CSMD3: variants seen among roughly 807,000 people sequenced by gnomAD.
The protein encoded by CSMD3 is CUB and sushi domain-containing protein 3.
Under a neutral mutation model 435.2 loss-of-function variants are expected in CSMD3, and 177 were observed. That is an observed-to-expected ratio of 0.41 (90% CI 0.36 to 0.46). CSMD3 has a LOEUF of 0.46. Among genes scored for constraint, CSMD3 ranks in the 20% least tolerant of loss-of-function variants. The pLI is 0.34. For missense variants in CSMD3, 4,265 were observed against 4,504.6 expected (o/e 0.95, Z 1.52); for synonymous variants, 1,656 against 1,520.5 (o/e 1.09, Z -2.07).
At chr8:112,946,582 G>T (rs2083616057) in intron 9 of CSMD3, among the ~76,000 whole-genome samples, 1 of 151,500 alleles carries the variant, frequency 6.6e-6, no homozygotes, top group Admixed American at 6.6e-5. Context: ...AAAATACTTG[G>T]AAAAAATAAT....
intron 1 of CSMD3, among the ~76,000 whole-genome samples, chr8:113,367,679 C>T (rs2094321184): frequency 6.6e-6 from 1 of 152,050 alleles, no homozygotes; most frequent in Non-Finnish European, 1.5e-5. Flanking sequence ...TTATATTTCT[C>T]AAACAAGCCA....
intron 4 of CSMD3, among the ~76,000 whole-genome samples, chr8:113,106,503 T>C (rs3967800): frequency 0.096 from 14,662 of 152,210 alleles, 1,070 homozygotes; most frequent in African/African-American, 0.2. Context: ...ATATGTGTTA[T>C]TGAAGTTCCA....
At position 113,313,053 on chromosome 8, in the gene CSMD3, T is replaced by TCTTAATG. The variant is rs2093882384; in HGVS notation, c.401+1517_401+1518insCATTAAG. The stretch of plus-strand genomic sequence containing the variant: ...TTAAGTGTCATCTGACTGGAAGCAG[T>TCTTAATG]TCGATGTGCTCTAATAGGATTTTGT... On this transcript the variant is annotated intron_variant, in intron 2 of 70. Transcript: ENST00000297405. 4 of 152,312 alleles carry TCTTAATG rather than the reference T, an allele frequency of 2.6e-5. No homozygotes were observed. The South Asian group carries it at 8.3e-4, about 32-fold the overall frequency. The allele number at this position is 152,312 out of a possible 1,614,324, so 9.4% of individuals were successfully genotyped here. A position where few individuals can be genotyped will look rare whatever the true frequency, so the allele number is the denominator to read the frequency against.
At chr8:112,766,232 T>A (rs1348935171) in intron 13 of CSMD3, among the ~76,000 whole-genome samples, 1 of 151,588 alleles carries the variant, frequency 6.6e-6, no homozygotes, top group Non-Finnish European at 1.5e-5. Context: ...ATCTAATCCA[T>A]GTTTCTCCAT....
chr8:112,752,413 G>A (rs2077591057), intron 13 of CSMD3, among the ~76,000 whole-genome samples: 1 of 152,078 alleles, frequency 6.6e-6, no homozygotes, highest in Admixed American at 6.6e-5. Context: ...TATTCTAAAT[G>A]TCTCTCCTAC....
intron 28 of CSMD3, among the ~76,000 whole-genome samples, chr8:112,512,544 G>T (rs899681317): frequency 6.6e-6 from 1 of 152,112 alleles, no homozygotes; most frequent in Non-Finnish European, 1.5e-5. Context: ...AAAATATTCA[G>T]TAAACCATAG....
intron 6 of CSMD3, among the ~76,000 whole-genome samples, chr8:113,004,118 G>A (rs1328758928): frequency 6.6e-6 from 1 of 151,908 alleles, no homozygotes; most frequent in Non-Finnish European, 1.5e-5. Flanking sequence ...AGTTTTCTAT[G>A]AAGTTAAAAA....
chr8:113,063,638 G>C (rs1470004465), intron 5 of CSMD3, among the ~76,000 whole-genome samples: 1 of 151,810 alleles, frequency 6.6e-6, no homozygotes, highest in East Asian at 1.9e-4. Flanking sequence ...TAATAAATCA[G>C]TCTGCAAACT....
At chr8:112,511,902 G>A (rs564729723) in intron 28 of CSMD3, among the ~76,000 whole-genome samples, 3 of 152,220 alleles carry the variant, frequency 2.0e-5, no homozygotes, top group African/African-American at 4.8e-5. Context: ...TACCAGAAGT[G>A]GATTCCATCT....
intron 6 of CSMD3, among the ~76,000 whole-genome samples, chr8:112,989,888 C>A (rs1364966156): frequency 6.6e-6 from 1 of 151,990 alleles, no homozygotes; most frequent in Non-Finnish European, 1.5e-5. Flanking sequence ...CCTCATATGT[C>A]AAGGGCAATG....
intron 13 of CSMD3, among the ~76,000 whole-genome samples, chr8:112,731,377 T>C (rs1048380674): frequency 2.0e-5 from 3 of 152,164 alleles, no homozygotes; most frequent in African/African-American, 7.2e-5. Flanking sequence ...ATTCTGCATC[T>C]GTATTATGTG....
At chr8:112,555,706 C>T (rs1828054248) in intron 25 of CSMD3, among the ~76,000 whole-genome samples, 1 of 151,858 alleles carries the variant, frequency 6.6e-6, no homozygotes, top group Non-Finnish European at 1.5e-5. Flanking sequence ...AGTTGCAAGG[C>T]CTATAATAAC....
intron 38 of CSMD3, among the ~76,000 whole-genome samples, chr8:112,376,771 A>G (rs1828981926): frequency 6.6e-6 from 1 of 152,124 alleles, no homozygotes; most frequent in Non-Finnish European, 1.5e-5. Context: ...CCATTTATTC[A>G]TTTACTCATT....
At chr8:112,476,874 T>C (rs1449284134) in intron 31 of CSMD3, among the ~76,000 whole-genome samples, 1 of 152,188 alleles carries the variant, frequency 6.6e-6, no homozygotes, top group African/African-American at 2.4e-5. Flanking sequence ...CTCCCATCAA[T>C]TTCTGCATGT....
intron 22 of CSMD3, among the ~76,000 whole-genome samples, chr8:112,633,382 A>G (rs2074570927): frequency 6.6e-6 from 1 of 152,034 alleles, no homozygotes; most frequent in Non-Finnish European, 1.5e-5. Context: ...GAACATTGTG[A>G]TAATCATAAA....
chr8:113,289,205 T>C (rs2093667020), intron 2 of CSMD3, among the ~76,000 whole-genome samples: 1 of 151,808 alleles, frequency 6.6e-6, no homozygotes, highest in East Asian at 1.9e-4. Context: ...GCCAAGCATT[T>C]AGCAAACTAG....
intron 6 of CSMD3, among the ~76,000 whole-genome samples, chr8:112,994,098 A>G (rs147132126): frequency 6.6e-6 from 1 of 151,932 alleles, no homozygotes; most frequent in East Asian, 1.9e-4. Flanking sequence ...TAGAGATAAT[A>G]TTTCTTGGTG....
chr8:113,197,023 T>C (rs573060104), intron 3 of CSMD3, among the ~76,000 whole-genome samples: 23 of 151,282 alleles, frequency 1.5e-4, no homozygotes, highest in Non-Finnish European at 2.7e-4. Flanking sequence ...TTGTCCATTT[T>C]TGTATTTTAG....
chr8:113,384,685 G>C (rs987775929), intron 1 of CSMD3, among the ~76,000 whole-genome samples: 1 of 152,164 alleles, frequency 6.6e-6, no homozygotes, highest in Non-Finnish European at 1.5e-5. Context: ...AGTGCTACAA[G>C]AATCTGGAGA....
Sources: gnomAD v4.1 joint callset for allele counts (sites outside exome capture counted in the v4.1 genomes callset) on GRCh38, gnomAD v4.1.1 for gene constraint, MANE v1.5 for transcripts, NCBI Gene and HGNC (gene_info 2026-07-23, HGNC 2026-07-21) for gene names.